CHM: variants seen among roughly 807,000 people sequenced by gnomAD.
CHM encodes the protein rab proteins geranylgeranyltransferase component A 1.
A neutral mutation model predicts 49.0 loss-of-function variants in CHM; 10 were observed. The ratio of observed to expected loss-of-function variants is 0.20; its 90% confidence interval spans 0.13 to 0.35. The LOEUF (loss-of-function observed/expected upper bound fraction) is 0.35. CHM is among the 10% of genes least tolerant of loss of function. CHM has a pLI of 1.00. For synonymous variants in CHM, 184 were observed against 167.5 expected (o/e 1.10, Z -0.76); for missense variants, 455 against 478.4 (o/e 0.95, Z 0.46).
chrX:86,015,371 G>A (rs751418295), intron 2 of CHM, among the ~76,000 whole-genome samples: 64 of 112,127 alleles, frequency 5.7e-4, no homozygotes, highest in African/African-American at 2.0e-3. Context: ...ATGTGGAACT[G>A]TAAGTCCAAT....
In CHM at chrX:85,986,676, C is replaced by T. The variant is rs142697832; in HGVS notation, c.117-4867G>A. Among the ~76,000 whole-genome samples, 512 of 111,653 alleles carry T rather than the reference C, an allele frequency of 4.6e-3. 4 individuals carry two copies. The highest frequency in any genetic ancestry group is 0.016 in the African/African-American group (490 of 30,699). On this transcript the variant is annotated intron_variant, in intron 2 of 14. Coordinates refer to ENST00000357749, the MANE Select transcript of CHM (RefSeq NM_000390.4). ...AGAAAAGAAGTCTACTGACTGTACT[C>T]ACTCTACACTTTAGTTAAAGGAATA...
chrX:85,964,187 A>G (rs990605703), intron 4 of CHM, 135 bp from the exon 5 acceptor site: 1 of 552,079 alleles, frequency 1.8e-6, no homozygotes, highest in Non-Finnish European at 2.8e-6. Context: ...GTAAAATATG[A>G]AACAAAATTA....
chrX:86,028,771 G>C (rs150013731), intron 1 of CHM, among the ~76,000 whole-genome samples: 1,393 of 111,168 alleles, frequency 0.013, 15 homozygotes, highest in Non-Finnish European at 0.018. Context: ...TGCTTTAAAA[G>C]TTTAGTGCAA....
chrX:85,889,599 T>C (rs1374658956), intron 12 of CHM, among the ~76,000 whole-genome samples: 1 of 112,309 alleles, frequency 8.9e-6, no homozygotes, highest in Non-Finnish European at 1.9e-5. Flanking sequence ...TATACACTGT[T>C]GGCAGGAATG....
At chrX:85,960,609 G>C (rs1235663023) in intron 5 of CHM, among the ~76,000 whole-genome samples, 1 of 109,681 alleles carries the variant, frequency 9.1e-6, no homozygotes, top group Non-Finnish European at 1.9e-5. Context: ...ATTTTTAGTA[G>C]CACACAGGGT....
chrX:85,866,613 T>C (rs961311299), intron 14 of CHM, among the ~76,000 whole-genome samples: 14 of 112,787 alleles, frequency 1.2e-4, no homozygotes, highest in African/African-American at 4.5e-4. Flanking sequence ...GCCTGCACCA[T>C]GCACCTGGAA....
intron 1 of CHM, chrX:86,047,215 G>A (rs1934684500): frequency 7.2e-6 from 3 of 415,178 alleles, no homozygotes; most frequent in Non-Finnish European, 1.3e-5. Context: ...TTCCCTCTAA[G>A]GAAATTAACA....
chrX:86,034,707 C>G (rs1197352420), intron 1 of CHM, among the ~76,000 whole-genome samples: 4 of 111,040 alleles, frequency 3.6e-5, no homozygotes, highest in South Asian at 3.8e-4. Context: ...TTGAACCTGG[C>G]AGGCAGAGGT....
intron 4 of CHM, chrX:85,970,836 C>T (rs904492790): frequency 1.8e-5 from 8 of 442,829 alleles, no homozygotes; most frequent in African/African-American, 1.6e-4. Flanking sequence ...AAGGAAGAAT[C>T]AGGAAAACAA....
intron 2 of CHM, among the ~76,000 whole-genome samples, chrX:86,020,981 A>G (rs1933529292): frequency 1.0e-5 from 1 of 100,277 alleles, no homozygotes; most frequent in Non-Finnish European, 2.0e-5. Flanking sequence ...GTATATATAC[A>G]TCTGAATCCC....
chrX:85,897,056 T>A (rs1925909084), intron 11 of CHM, among the ~76,000 whole-genome samples: 2 of 92,900 alleles, frequency 2.2e-5, no homozygotes, highest in South Asian at 8.6e-4. Context: ...ATATAATACA[T>A]TACATAATAT....
chrX:85,885,023 A>G (rs768841178), intron 12 of CHM, among the ~76,000 whole-genome samples: 4 of 110,976 alleles, frequency 3.6e-5, no homozygotes, highest in East Asian at 2.8e-4. Context: ...GTCAAACCTG[A>G]TTAGTCAACA....
chrX:85,907,247 T>C, intron 9 of CHM, among the ~76,000 whole-genome samples: 1 of 112,440 alleles, frequency 8.9e-6, no homozygotes, highest in Non-Finnish European at 1.9e-5. Context: ...GTAGGAAAGC[T>C]GGTAAGTGAG....
rs1603278664 is a variant in CHM at position 86,012,096 on chromosome X, G to A, written c.116+15395C>T. On this transcript the variant is annotated intron_variant, in intron 2 of 14. Coordinates refer to ENST00000357749, the MANE Select transcript of CHM (RefSeq NM_000390.4). The stretch of plus-strand genomic sequence containing the variant: ...CTAAGACCACTAGTAATAGCAGTAA[G>A]TGATGAGGCAAAAGGAAATGCAAAA... Among the ~76,000 whole-genome samples, 4 of 111,990 alleles carry A rather than the reference G, an allele frequency of 3.6e-5. No homozygotes were observed. In the Admixed American group the frequency reaches 3.8e-4, roughly 11 times the overall value.
chrX:86,010,008 T>TA (rs1406336935), intron 2 of CHM, among the ~76,000 whole-genome samples: 1 of 109,480 alleles, frequency 9.1e-6, no homozygotes, highest in Non-Finnish European at 1.9e-5. Context: ...TATGCAGCCA[T>TA]AAAAAGGATG....
At chrX:85,902,259 T>C (rs755071173) in intron 9 of CHM, among the ~76,000 whole-genome samples, 6 of 111,692 alleles carry the variant, frequency 5.4e-5, no homozygotes, top group Non-Finnish European at 1.1e-4. Context: ...TTAAAATCTG[T>C]TCATTCACTT....
intron 2 of CHM, among the ~76,000 whole-genome samples, chrX:86,014,771 GACAGAGTGTGAAACA>G (rs1335096818): frequency 2.7e-5 from 3 of 112,103 alleles, no homozygotes; most frequent in Non-Finnish European, 3.8e-5. Flanking sequence ...GGATCACAAA[GACAGAGTGTGAAACA>G]ACAGACTCAG....
chrX:85,961,616 TA>T (rs67291936), intron 5 of CHM, among the ~76,000 whole-genome samples: 24,687 of 108,384 alleles, frequency 0.23, 2,214 homozygotes, highest in Middle Eastern at 0.27. Context: ...TTAAATGACT[TA>T]ACATTTTAAA....
chrX:85,915,587 A>G (rs1927403159), intron 8 of CHM, among the ~76,000 whole-genome samples: 1 of 112,552 alleles, frequency 8.9e-6, no homozygotes, highest in African/African-American at 3.2e-5. Flanking sequence ...GCTAATAAAC[A>G]ACTTAAGCAA....
Sources: gnomAD v4.1 joint callset for allele counts (sites outside exome capture counted in the v4.1 genomes callset) on GRCh38, gnomAD v4.1.1 for gene constraint, MANE v1.5 for transcripts, NCBI Gene and HGNC (gene_info 2026-07-23, HGNC 2026-07-21) for gene names.